The following LRRTM4 variants were observed in gnomAD, a reference collection of about 807,000 sequenced individuals.
LRRTM4 encodes leucine-rich repeat transmembrane neuronal protein 4.
A neutral mutation model predicts 47.6 loss-of-function variants in LRRTM4; 25 were observed. That is an observed-to-expected ratio of 0.53 (90% CI 0.38 to 0.73). The LOEUF is 0.73. LRRTM4 is among the 30% of genes least tolerant of loss of function. LRRTM4 has a pLI of 0.00. For synonymous variants in LRRTM4, 311 were observed against 269.5 expected (o/e 1.15, Z -1.51); for missense variants, 638 against 713.4 (o/e 0.89, Z 1.20).
At chr2:77,212,355 GATAT>G (rs67657668) in intron 3 of LRRTM4, among the ~76,000 whole-genome samples, 30 of 146,536 alleles carry the variant, frequency 2.0e-4, no homozygotes, top group East Asian at 4.0e-4. Context: ...ATTAACTCAT[GATAT>G]ATATATATAT....
At chr2:77,346,000 T>C (rs1478991157) in intron 3 of LRRTM4, among the ~76,000 whole-genome samples, 1 of 151,978 alleles carries the variant, frequency 6.6e-6, no homozygotes, top group African/African-American at 2.4e-5. Context: ...ACTAGTATTT[T>C]TTATAATAGA....
chr2:77,372,503 G>C (rs74542799), intron 3 of LRRTM4, among the ~76,000 whole-genome samples: 1,678 of 151,724 alleles, frequency 0.011, 32 homozygotes, highest in African/African-American at 0.039. Context: ...GCTGATTTTG[G>C]AATGCCCTTA....
At chr2:76,804,751 T>C (rs1330408046) in intron 3 of LRRTM4, among the ~76,000 whole-genome samples, 1 of 115,720 alleles carries the variant, frequency 8.6e-6, no homozygotes, top group Non-Finnish European at 2.1e-5. Flanking sequence ...ATATATATCA[T>C]TGTTTTATAA....
chr2:76,805,200 A>C (rs1275604593), intron 3 of LRRTM4, among the ~76,000 whole-genome samples: 1 of 152,146 alleles, frequency 6.6e-6, no homozygotes, highest in Non-Finnish European at 1.5e-5. Context: ...TATCCTAATG[A>C]AATTCCACTT....
chr2:77,217,461 A>ATATATATATATATATATATG lies in LRRTM4; in HGVS notation c.1551+300856_1551+300857insCATATATATATATATATATA, dbSNP rs1383554161. Among the ~76,000 whole-genome samples, 12 of 138,548 alleles carry ATATATATATATATATATATG rather than the reference A, an allele frequency of 8.7e-5. 1 individual carries two copies. The highest frequency in any genetic ancestry group is 3.3e-4 in the African/African-American group (12 of 36,088). The allele number at this position is 138,548 out of a possible 152,430, so 90.9% of individuals were successfully genotyped here. A position where few individuals can be genotyped will look rare whatever the true frequency, so the allele number is the denominator to read the frequency against. ...ATGAAATATATATATATATATATAT[A>ATATATATATATATATATATG]TATATATACTAAGCCTTTAATTTAA... is the stretch of plus-strand genomic sequence containing the variant. On this transcript the variant is annotated intron_variant, in intron 3 of 3. Transcript: ENST00000409884.
At chr2:77,105,159 A>T (rs1422465889) in intron 3 of LRRTM4, among the ~76,000 whole-genome samples, 1 of 152,192 alleles carries the variant, frequency 6.6e-6, no homozygotes, top group Non-Finnish European at 1.5e-5. Context: ...TATTATTTGG[A>T]TGCTGAGTAT....
At chr2:77,216,802 G>A (rs13398525) in intron 3 of LRRTM4, among the ~76,000 whole-genome samples, 21,878 of 151,518 alleles carry the variant, frequency 0.14, 2,525 homozygotes, top group East Asian at 0.34. Context: ...GCTGGGCGCG[G>A]TGGCTCATGC....
intron 3 of LRRTM4, among the ~76,000 whole-genome samples, chr2:77,269,765 T>C (rs1573173181): frequency 1.3e-5 from 2 of 152,340 alleles, no homozygotes; most frequent in African/African-American, 4.8e-5. Context: ...GTTTTGCATA[T>C]GTTTTATATA....
intron 3 of LRRTM4, among the ~76,000 whole-genome samples, chr2:77,489,470 TG>T (rs1328144244): frequency 1.3e-5 from 2 of 152,242 alleles, no homozygotes; most frequent in African/African-American, 4.8e-5. Context: ...AAAAATAGTT[TG>T]TTCACAAAAA....
At position 77,405,132 on chromosome 2, in the gene LRRTM4, GA is replaced by G. The variant is rs1281121061; in HGVS notation, c.1551+113185del. On this transcript the variant is annotated intron_variant, in intron 3 of 3. Coordinates refer to ENST00000409884, the MANE Select transcript of LRRTM4 (RefSeq NM_001134745.3). The stretch of plus-strand genomic sequence containing the variant: ...TAATGTAATTTTAAAAGTCTAATAT[GA>G]AAAAAAGTCAGCTTCCACAGATGTT... Among the ~76,000 whole-genome samples the G allele has an allele frequency of 2.0e-5, 3 of 151,938 alleles. No homozygotes were observed. The East Asian group carries it at 5.8e-4, about 29-fold the overall frequency.
At chr2:77,069,220 C>G (rs1680065486) in intron 3 of LRRTM4, among the ~76,000 whole-genome samples, 1 of 152,144 alleles carries the variant, frequency 6.6e-6, no homozygotes, top group South Asian at 2.1e-4. Context: ...GTTAGGGTCT[C>G]CCCGACCGAG....
chr2:76,931,839 G>A (rs766079958), intron 3 of LRRTM4, among the ~76,000 whole-genome samples: 2 of 152,036 alleles, frequency 1.3e-5, no homozygotes, highest in Non-Finnish European at 2.9e-5. Flanking sequence ...CATTCAAGAA[G>A]GGAGTCGTGA....
chr2:77,326,064 A>G (rs1037839045), intron 3 of LRRTM4, among the ~76,000 whole-genome samples: 5 of 152,264 alleles, frequency 3.3e-5, no homozygotes, highest in Non-Finnish European at 4.4e-5. Flanking sequence ...CGCTCCCTTT[A>G]TCTGGAGGAA....
intron 3 of LRRTM4, among the ~76,000 whole-genome samples, chr2:76,844,491 G>A (rs1486481448): frequency 3.9e-5 from 6 of 152,080 alleles, no homozygotes; most frequent in African/African-American, 1.4e-4. Context: ...GTTCTTAAGA[G>A]ACTGAGTCAT....
In LRRTM4 at chr2:76,853,775, A is replaced by C. The variant is rs780462163; in HGVS notation, c.1552-104859T>G. Among the ~76,000 whole-genome samples, 3 of 152,322 alleles carry C rather than the reference A, an allele frequency of 2.0e-5. No homozygotes were observed. In the East Asian group the frequency reaches 5.8e-4, roughly 29 times the overall value. The stretch of plus-strand genomic sequence containing the variant: ...GATTGTCATTTTCCAGAGGGCAAAG[A>C]AACAACACATACAGAATTGTGTTTT... On this transcript the variant is annotated intron_variant, in intron 3 of 3. Transcript: ENST00000409884.
chr2:76,758,439 G>A (rs1673141116), intron 3 of LRRTM4, among the ~76,000 whole-genome samples: 1 of 152,140 alleles, frequency 6.6e-6, no homozygotes, highest in African/African-American at 2.4e-5. Flanking sequence ...TTGATACAGT[G>A]AAATGATTAC....
intron 3 of LRRTM4, among the ~76,000 whole-genome samples, chr2:77,085,920 TGAG>T (rs368402207): frequency 1.3e-5 from 2 of 152,168 alleles, no homozygotes; most frequent in African/African-American, 4.8e-5. Flanking sequence ...ATGTGGGTAA[TGAG>T]GAGCCAAAAG....
At chr2:77,002,852 T>C (rs950787768) in intron 3 of LRRTM4, among the ~76,000 whole-genome samples, 15 of 152,134 alleles carry the variant, frequency 9.9e-5, no homozygotes, top group African/African-American at 3.6e-4. Flanking sequence ...TTCATCACAT[T>C]GTCCTGTTCT....
chr2:77,224,985 C>T (rs1036993309), intron 3 of LRRTM4, among the ~76,000 whole-genome samples: 1 of 150,740 alleles, frequency 6.6e-6, no homozygotes, highest in African/African-American at 2.4e-5. Context: ...CAATGATAGA[C>T]TGGATTAAGA....
Sources: allele counts gnomAD v4.1 joint callset (sites outside exome capture counted in the v4.1 genomes callset), GRCh38; gene constraint gnomAD v4.1.1; transcripts MANE v1.5; gene names NCBI Gene and HGNC (gene_info 2026-07-23, HGNC 2026-07-21).